The following MDFIC variants were observed in gnomAD, a reference collection of about 807,000 sequenced individuals.
The protein encoded by MDFIC is MyoD family inhibitor domain containing.
In MDFIC, 17 loss-of-function variants were observed where a neutral mutation model predicts 23.2. The observed-to-expected ratio is 0.73, with a 90% CI of 0.50 to 1.10. The LOEUF (loss-of-function observed/expected upper bound fraction) is 1.10, where lower values mean the gene tolerates loss of function less well. Among genes scored for constraint, MDFIC ranks in the 50% least tolerant of loss-of-function variants. The probability of loss-of-function intolerance (pLI) is 0.00; values close to 1 mark genes in which losing one functional copy is unlikely to be tolerated. For missense variants in MDFIC, 356 were observed against 316.6 expected (o/e 1.12, Z -0.95); for synonymous variants, 120 against 115.2 (o/e 1.04, Z -0.27).
intron 3 of MDFIC, among the ~76,000 whole-genome samples, chr7:114,948,800 G>A (rs1222605824): frequency 6.6e-6 from 1 of 152,016 alleles, no homozygotes; most frequent in Non-Finnish European, 1.5e-5. Flanking sequence ...TAGTTCTCTG[G>A]AATTGTAAAT....
intron 3 of MDFIC, among the ~76,000 whole-genome samples, chr7:114,955,497 T>A (rs1792866423): frequency 1.3e-5 from 2 of 152,166 alleles, no homozygotes; most frequent in African/African-American, 4.8e-5. Context: ...AATACAGGTG[T>A]TTATGACCCT....
chr7:114,996,485 T>C (rs1791333535), intron 4 of MDFIC, among the ~76,000 whole-genome samples: 1 of 152,064 alleles, frequency 6.6e-6, no homozygotes, highest in Non-Finnish European at 1.5e-5. Flanking sequence ...TCATGTTTGG[T>C]TTGGAATATA....
intron 4 of MDFIC, among the ~76,000 whole-genome samples, chr7:115,007,505 G>A (rs935479101): frequency 2.0e-5 from 3 of 150,700 alleles, no homozygotes; most frequent in African/African-American, 7.4e-5. Context: ...GACTTTCTGG[G>A]TAAAAAATTT....
chr7:114,945,157 C>T (rs968606009), intron 3 of MDFIC, among the ~76,000 whole-genome samples: 3 of 152,160 alleles, frequency 2.0e-5, no homozygotes, highest in African/African-American at 4.8e-5. Context: ...CTCGTGTCTC[C>T]GTTGTGCCGG....
chr7:114,994,355 G>A (rs903889033), intron 4 of MDFIC, among the ~76,000 whole-genome samples: 7 of 152,080 alleles, frequency 4.6e-5, no homozygotes, highest in Non-Finnish European at 1.0e-4. Flanking sequence ...TTACATTTAA[G>A]GTTAATATTG....
Position 115,016,015 on chromosome 7 carries a change from T to G in MDFIC, c.*80T>G, listed in dbSNP as rs1791788201. 3.6e-6 allele frequency: 5 copies of G among 1,401,052 alleles called. No individual in the cohort carries two copies. Among genetic ancestry groups the G allele is most frequent in the African/African-American group, 1.4e-5 (1 of 69,716 alleles). 86.8% of individuals were successfully genotyped at this position (1,401,052 alleles called of 1,614,324 possible). A position where few individuals can be genotyped will look rare whatever the true frequency, so the allele number is the denominator to read the frequency against. On this transcript the variant is annotated 3_prime_UTR_variant, in exon 5 of 5. Transcript: ENST00000393486. ...GGGGGAAGAAAAGCACATTGTAAGATTCTCATGAAACAACATGGAATTTGC... is the reference window on the plus strand; with the variant it reads ...GGGGGAAGAAAAGCACATTGTAAGAGTCTCATGAAACAACATGGAATTTGC...
chr7:114,997,140 T>C (rs1196788623), intron 4 of MDFIC, among the ~76,000 whole-genome samples: 2 of 152,210 alleles, frequency 1.3e-5, no homozygotes, highest in Non-Finnish European at 2.9e-5. Flanking sequence ...TTGAGATGGA[T>C]TCCAGAGAAA....
chr7:114,960,599 G>T (rs1468160468), intron 3 of MDFIC, among the ~76,000 whole-genome samples: 1 of 152,106 alleles, frequency 6.6e-6, no homozygotes, highest in Non-Finnish European at 1.5e-5. Context: ...TATAATGAAA[G>T]ATCTCAATCA....
chr7:114,950,344 C>T (rs1792740454), intron 3 of MDFIC, among the ~76,000 whole-genome samples: 1 of 152,054 alleles, frequency 6.6e-6, no homozygotes, highest in South Asian at 2.1e-4. Flanking sequence ...GAGAATGAAG[C>T]CCAAGGTTTT....
intron 4 of MDFIC, among the ~76,000 whole-genome samples, chr7:114,982,404 T>C (rs1346147650): frequency 6.6e-6 from 1 of 152,100 alleles, no homozygotes; most frequent in East Asian, 1.9e-4. Context: ...TACCTGAGAC[T>C]AAAGTTTGGT....
intron 3 of MDFIC, among the ~76,000 whole-genome samples, chr7:114,946,095 G>A (rs952864717): frequency 6.6e-5 from 10 of 152,062 alleles, no homozygotes; most frequent in South Asian, 6.2e-4. Context: ...TATTTAACCC[G>A]TAATATGCAT....
At chr7:115,000,971 T>C (rs1304053241) in intron 4 of MDFIC, among the ~76,000 whole-genome samples, 2 of 152,198 alleles carry the variant, frequency 1.3e-5, no homozygotes, top group Non-Finnish European at 2.9e-5. Context: ...TGCAACATAG[T>C]GTGGCCTCAG....
rs1016332881 is a variant in MDFIC at position 114,990,425 on chromosome 7, T to C, written c.493+10644T>C. On this transcript the variant is annotated intron_variant, in intron 4 of 4. Coordinates refer to ENST00000393486, the MANE Select transcript of MDFIC (RefSeq NM_001166345.3). ...TGCAGGTTTGTTACATATGTCTACA[T>C]GTGCCATGTTGGTGTGCTGCACCCA... is the stretch of plus-strand genomic sequence containing the variant. 2.0e-5 allele frequency among the ~76,000 whole-genome samples: 3 copies of C among 152,154 alleles called. No individual in the cohort carries two copies. The South Asian group carries it at 6.2e-4, about 32-fold the overall frequency.
chr7:114,954,401 T>G (rs1390571428), intron 3 of MDFIC, among the ~76,000 whole-genome samples: 1 of 152,262 alleles, frequency 6.6e-6, no homozygotes, highest in Non-Finnish European at 1.5e-5. Context: ...ATTTCTGCCA[T>G]GCTTATGCTG....
intron 4 of MDFIC, among the ~76,000 whole-genome samples, chr7:114,997,758 AAAAAAAAAAG>A (rs1272735938): frequency 1.3e-5 from 2 of 150,194 alleles, no homozygotes; most frequent in African/African-American, 4.9e-5. Context: ...TCTAAACAGA[AAAAAAAAAAG>A]AAAAGAAAAG....
chr7:114,944,378 C>T (rs756035826), intron 3 of MDFIC, among the ~76,000 whole-genome samples: 5 of 152,172 alleles, frequency 3.3e-5, no homozygotes, highest in South Asian at 2.1e-4. Flanking sequence ...TGAAATCTGA[C>T]TCTGAATTTT....
At chr7:114,990,740 G>A (rs1793593488) in intron 4 of MDFIC, among the ~76,000 whole-genome samples, 1 of 152,130 alleles carries the variant, frequency 6.6e-6, no homozygotes, top group South Asian at 2.1e-4. Context: ...TCTTAATCTA[G>A]TCTGTCACTG....
intron 3 of MDFIC, among the ~76,000 whole-genome samples, chr7:114,943,022 A>G (rs1193118275): frequency 3.3e-5 from 5 of 152,140 alleles, no homozygotes; most frequent in African/African-American, 7.2e-5. Context: ...GTTCAAGATG[A>G]ATTTGCCATA....
At chr7:115,004,275 A>G (rs1359923269) in intron 4 of MDFIC, among the ~76,000 whole-genome samples, 2 of 152,184 alleles carry the variant, frequency 1.3e-5, no homozygotes, top group Admixed American at 6.5e-5. Flanking sequence ...GGCACTTACT[A>G]TGTAACACTC....
Sources: gnomAD v4.1 joint callset for allele counts (sites outside exome capture counted in the v4.1 genomes callset) on GRCh38, gnomAD v4.1.1 for gene constraint, MANE v1.5 for transcripts, NCBI Gene and HGNC (gene_info 2026-07-23, HGNC 2026-07-21) for gene names.